Variants in IQCK observed in about 807,000 individuals in gnomAD.
IQCK encodes IQ domain-containing protein K.
In IQCK, 29 loss-of-function variants were observed where a neutral mutation model predicts 28.1. The observed-to-expected ratio is 1.03, with a 90% CI of 0.77 to 1.41. The LOEUF (loss-of-function observed/expected upper bound fraction) is 1.41, where lower values mean the gene tolerates loss of function less well. Ranked by LOEUF, IQCK falls within the 40% of genes most tolerant of loss-of-function variation. The pLI is 0.00. For missense variants in IQCK, 359 were observed against 314.7 expected, an observed-to-expected ratio of 1.14 and a Z score of -1.07; for synonymous variants, 113 against 115.1, an observed-to-expected ratio of 0.98 and a Z score of 0.12.
intron 6 of IQCK, among the ~76,000 whole-genome samples, chr16:19,770,572 T>C (rs1369089229): frequency 6.6e-6 from 1 of 150,586 alleles, no homozygotes; most frequent in East Asian, 2.0e-4. Flanking sequence ...AAGCCAACAA[T>C]GTTGCATCTC....
intron 6 of IQCK, among the ~76,000 whole-genome samples, chr16:19,786,345 A>G (rs2055561307): frequency 6.6e-6 from 1 of 151,376 alleles, no homozygotes. Flanking sequence ...CTTGAGGCCA[A>G]GAGTTGGAGA....
At chr16:19,856,264 G>A (rs548581994) in intron 9 of IQCK, among the ~76,000 whole-genome samples, 191 of 152,344 alleles carry the variant, frequency 1.3e-3, no homozygotes, top group Non-Finnish European at 2.4e-3. Flanking sequence ...GAATGGCCAT[G>A]AACAGTCCGG....
chr16:19,748,072 C>CTTTTTT (rs61573221), intron 4 of IQCK, among the ~76,000 whole-genome samples: 12 of 117,184 alleles, frequency 1.0e-4, no homozygotes, highest in African/African-American at 4.2e-4. Context: ...GGCTCAAATT[C>CTTTTTT]TTTTTTTTTT....
intron 4 of IQCK, among the ~76,000 whole-genome samples, chr16:19,744,504 A>G (rs1053534087): frequency 2.0e-5 from 3 of 152,202 alleles, no homozygotes; most frequent in Non-Finnish European, 4.4e-5. Context: ...GTATTTCCCT[A>G]ATCCTTAATT....
intron 6 of IQCK, among the ~76,000 whole-genome samples, chr16:19,785,998 C>T (rs574540974): frequency 2.0e-5 from 3 of 152,124 alleles, no homozygotes; most frequent in South Asian, 2.1e-4. Context: ...CCCGCAGGGC[C>T]GGAGCATGAG....
At chr16:19,750,650 C>T (rs935299679) in intron 4 of IQCK, among the ~76,000 whole-genome samples, 3 of 150,974 alleles carry the variant, frequency 2.0e-5, no homozygotes, top group East Asian at 1.9e-4. Context: ...TTAGTAGAGA[C>T]GGGGTTTCAC....
chr16:19,719,670 ATTTTTT>A (rs1204084614), intron 1 of IQCK, among the ~76,000 whole-genome samples: 1 of 126,604 alleles, frequency 7.9e-6, no homozygotes, highest in South Asian at 2.4e-4. Context: ...TTGGACTCAA[ATTTTTT>A]TTTTTTTTTT....
chr16:19,758,148 G>A (rs753297628), intron 4 of IQCK, among the ~76,000 whole-genome samples: 1 of 152,116 alleles, frequency 6.6e-6, no homozygotes, highest in African/African-American at 2.4e-5. Flanking sequence ...TGCCCTCGCT[G>A]TCTAAATCTC....
chr16:19,785,536 A>C (rs1187652029), intron 6 of IQCK, among the ~76,000 whole-genome samples: 2 of 152,214 alleles, frequency 1.3e-5, no homozygotes, highest in Admixed American at 6.5e-5. Context: ...TCCCTTTTCA[A>C]ATCCCAAAAT....
downstream of IQCK, chr16:19,827,245 G>A: frequency 1.4e-6 from 1 of 730,422 alleles, no homozygotes; most frequent in East Asian, 2.7e-5. Flanking sequence ...TGTCTGCATG[G>A]AACTCAGCTT....
At chr16:19,756,789 TG>T (rs977150262) in intron 4 of IQCK, among the ~76,000 whole-genome samples, 2 of 150,112 alleles carry the variant, frequency 1.3e-5, no homozygotes, top group Admixed American at 1.3e-4. Context: ...CCCAGCTACT[TG>T]GGAGGCTGAG....
intron 7 of IQCK, among the ~76,000 whole-genome samples, chr16:19,820,268 GC>G (rs1411690318): frequency 1.3e-5 from 2 of 152,174 alleles, no homozygotes; most frequent in African/African-American, 4.8e-5. Context: ...AGTAATCCTA[GC>G]ACTTTGGGAG....
At chr16:19,769,063 C>A (rs1456759271) in intron 6 of IQCK, among the ~76,000 whole-genome samples, 1 of 152,104 alleles carries the variant, frequency 6.6e-6, no homozygotes, top group Non-Finnish European at 1.5e-5. Flanking sequence ...TGTTTGGAGG[C>A]CTTAAGTTTT....
intron 7 of IQCK, among the ~76,000 whole-genome samples, chr16:19,817,521 C>T (rs1262638416): frequency 6.6e-6 from 1 of 152,146 alleles, no homozygotes; most frequent in African/African-American, 2.4e-5. Flanking sequence ...ATGAAAGGGT[C>T]TCTGGCCAGA....
At chr16:19,750,129 A>AT (rs914473843) in intron 4 of IQCK, among the ~76,000 whole-genome samples, 15 of 150,142 alleles carry the variant, frequency 1.0e-4, no homozygotes, top group Middle Eastern at 3.4e-3. Context: ...GGAGTTTATG[A>AT]TTTTTTTTTT....
chr16:19,767,593 G>A (rs78541760), intron 6 of IQCK, among the ~76,000 whole-genome samples: 14 of 152,098 alleles, frequency 9.2e-5, no homozygotes, highest in African/African-American at 1.2e-4. Context: ...ATCTTTTTCC[G>A]CTGAAGTGCT....
At chr16:19,738,929 T>A (rs2054795462) in intron 4 of IQCK, among the ~76,000 whole-genome samples, 1 of 152,140 alleles carries the variant, frequency 6.6e-6, no homozygotes, top group Non-Finnish European at 1.5e-5. Flanking sequence ...GAGGGTTGTG[T>A]TGGCACTTAT....
intron 4 of IQCK, among the ~76,000 whole-genome samples, chr16:19,754,953 A>G (rs780609415): frequency 2.0e-5 from 3 of 152,186 alleles, no homozygotes; most frequent in Non-Finnish European, 2.9e-5. Flanking sequence ...GTCTTGGTCA[A>G]TGTTATTAGT....
intron 6 of IQCK, among the ~76,000 whole-genome samples, chr16:19,781,112 G>A (rs2055477308): frequency 1.3e-5 from 2 of 152,210 alleles, no homozygotes; most frequent in Admixed American, 6.5e-5. Context: ...AAATCCAGGA[G>A]AGGGAGACTG....
Sources: gnomAD v4.1 joint callset for allele counts (sites outside exome capture counted in the v4.1 genomes callset) on GRCh38, gnomAD v4.1.1 for gene constraint, MANE v1.5 for transcripts, NCBI Gene and HGNC (gene_info 2026-07-23, HGNC 2026-07-21) for gene names.